PCDHA11: variants seen among roughly 807,000 people sequenced by gnomAD.
PCDHA11 encodes the protein protocadherin alpha 11, also known as protocadherin alpha-11.
A neutral mutation model predicts 70.3 loss-of-function variants in PCDHA11; 61 were observed. That is an observed-to-expected ratio of 0.87 (90% CI 0.71 to 1.07). The LOEUF is 1.07. Ranked by LOEUF, PCDHA11 falls within the 50% of genes least tolerant of loss-of-function variation. The pLI is 0.00. For synonymous variants in PCDHA11, 633 were observed against 555.1 expected (o/e 1.14, Z -1.97); for missense variants, 1,324 against 1,237.5 (o/e 1.07, Z -1.05).
chr5:140,955,998 G>A (rs1194688184), intron 1 of PCDHA11, among the ~76,000 whole-genome samples: 1 of 152,174 alleles, frequency 6.6e-6, no homozygotes, highest in Non-Finnish European at 1.5e-5. Context: ...CATTGATTTT[G>A]TATCCTGAGA....
chr5:141,004,336 G>A (rs1554259546), intron 3 of PCDHA11, among the ~76,000 whole-genome samples: 1 of 152,224 alleles, frequency 6.6e-6, no homozygotes, highest in East Asian at 1.9e-4. Flanking sequence ...AGGCACAGTG[G>A]TCTGTGAGGG....
intron 1 of PCDHA11, among the ~76,000 whole-genome samples, chr5:140,886,246 A>G (rs1337527671): frequency 1.3e-5 from 2 of 152,144 alleles, no homozygotes; most frequent in Admixed American, 1.3e-4. Flanking sequence ...AAATAAATAA[A>G]AGTATCTCTA....
chr5:140,905,891 G>A (rs1486335678), intron 1 of PCDHA11, among the ~76,000 whole-genome samples: 2 of 152,162 alleles, frequency 1.3e-5, no homozygotes, highest in African/African-American at 4.8e-5. Context: ...TAGGCCATCT[G>A]CAAGCTGAGG....
rs140356413 is a variant in PCDHA11, at chr5:140,945,687, T to C, written c.2392-33262T>C. On this transcript the variant is annotated intron_variant, in intron 1 of 3. Transcript: ENST00000398640. ...CCCAGAAATAAATCCACACAGTTAC[T>C]GTCCACTGATTTGCAACAAAAGTAT... 6.6e-3 allele frequency among the ~76,000 whole-genome samples: 1,005 copies of C among 152,204 alleles called. 10 individuals carry two copies. The highest frequency in any genetic ancestry group is 0.023 in the African/African-American group (952 of 41,538).
intron 1 of PCDHA11, among the ~76,000 whole-genome samples, chr5:140,953,010 G>C (rs116014174): frequency 0.016 from 2,468 of 152,152 alleles, 61 homozygotes; most frequent in African/African-American, 0.055. Flanking sequence ...ACTATTATGA[G>C]AACAACATTA....
intron 1 of PCDHA11, among the ~76,000 whole-genome samples, chr5:140,944,929 CT>C (rs2093712661): frequency 6.6e-6 from 1 of 152,052 alleles, no homozygotes; most frequent in Admixed American, 6.6e-5. Context: ...TGGTTTATGC[CT>C]TCTTTAGATG....
Position 141,011,309 on chromosome 5 carries a change from A to G in PCDHA11, c.*1372A>G, listed in dbSNP as rs374038361. On this transcript the variant is annotated 3_prime_UTR_variant, in exon 4 of 4. Coordinates refer to ENST00000398640, the MANE Select transcript of PCDHA11 (RefSeq NM_018902.5). ...CTTTTCTATAACACTCTGAATTGCTAATCTTACTAACACCTATGATGTTAC... is the reference window on the plus strand; with the variant it reads ...CTTTTCTATAACACTCTGAATTGCTGATCTTACTAACACCTATGATGTTAC... 9.8e-5 allele frequency: 15 copies of G among 153,742 alleles called. No homozygotes were observed. The highest frequency in any genetic ancestry group is 1.9e-4 in the Non-Finnish European group (13 of 68,036). 9.5% of individuals were successfully genotyped at this position (153,742 alleles called of 1,614,324 possible). A position where few individuals can be genotyped will look rare whatever the true frequency, so the allele number is the denominator to read the frequency against.
At chr5:140,926,789 G>C in intron 1 of PCDHA11, 1 of 1,432,318 alleles carries the variant, frequency 7.0e-7, no homozygotes, top group Non-Finnish European at 9.1e-7. Context: ...CGGCCGGCAG[G>C]AGCGTGCTCT....
chr5:140,875,378 T>C (rs758524366), intron 1 of PCDHA11: 85 of 1,458,484 alleles, frequency 5.8e-5, no homozygotes, highest in Non-Finnish European at 7.4e-5. Context: ...TTACTAAATA[T>C]GTACTTACAG....
intron 1 of PCDHA11, among the ~76,000 whole-genome samples, chr5:140,969,822 G>C (rs559271640): frequency 2.0e-5 from 3 of 152,202 alleles, no homozygotes; most frequent in Non-Finnish European, 4.4e-5. Context: ...ACTCTGGACT[G>C]TCTACAGTGG....
Position 140,869,837 on chromosome 5 carries a change from C to G in PCDHA11, c.734C>G (p.Ser245Ter), listed in dbSNP as rs374182289. 6.2e-7 allele frequency: 1 copy of G among 1,611,484 alleles called. No individual in the cohort carries two copies. Among genetic ancestry groups the G allele is most frequent in the African/African-American group, 1.3e-5 (1 of 74,990 alleles). ...VNDNDPEFDK[S>*]EYKVSLMENA... ...GACAATGATCCAGAGTTTGATAAAT[C>G]AGAATATAAGGTGAGCCTTATGGAA... Residue 245 changes from serine (S) to a stop codon, truncating the protein, a stop_gained, in exon 1 of 4, where the codon TCA becomes TGA. Coordinates refer to ENST00000398640, the MANE Select transcript of PCDHA11 (RefSeq NM_018902.5). LOFTEE classifies it high-confidence loss of function.
At chr5:140,899,964 T>A (rs543512832) in intron 1 of PCDHA11, among the ~76,000 whole-genome samples, 3 of 151,824 alleles carry the variant, frequency 2.0e-5, no homozygotes, top group African/African-American at 7.3e-5. Flanking sequence ...TGTGCTGCCA[T>A]GCCCAGCTAC....
intron 1 of PCDHA11, chr5:140,969,203 G>T (rs781962982): frequency 8.1e-6 from 13 of 1,614,178 alleles, no homozygotes; most frequent in Non-Finnish European, 1.1e-5. Flanking sequence ...CAATACAGGG[G>T]CCCAGACAGG....
At chr5:140,903,570 C>G (rs781884167) in intron 1 of PCDHA11, among the ~76,000 whole-genome samples, 3 of 152,154 alleles carry the variant, frequency 2.0e-5, no homozygotes, top group Non-Finnish European at 4.4e-5. Context: ...GAATTGGGAG[C>G]TGTCTAGCTG....
chr5:140,998,442 T>G lies in PCDHA11; in HGVS notation c.2540-11185T>G, dbSNP rs368931467. On this transcript the variant is annotated intron_variant, in intron 3 of 3. Coordinates refer to ENST00000398640, the MANE Select transcript of PCDHA11 (RefSeq NM_018902.5). ...GGTTTATCCTTTAACACTATTATTGTATTTATTCATTTACTTGTCTTTTCC... is the reference window on the plus strand; with the variant it reads ...GGTTTATCCTTTAACACTATTATTGGATTTATTCATTTACTTGTCTTTTCC... 1.7e-4 allele frequency among the ~76,000 whole-genome samples: 26 copies of G among 152,352 alleles called. No individual in the cohort carries two copies. In the South Asian group the frequency reaches 5.2e-3, roughly 30 times the overall value.
chr5:140,927,401 G>A lies in PCDHA11; in HGVS notation c.2392-51548G>A, dbSNP rs782140870. On this transcript the variant is annotated intron_variant, in intron 1 of 3. Transcript: ENST00000398640. ...AGCCTAAGCCCCAGTCAGCACTTTCGCCTGGACATGGGATCGCGGGTTGAC... is the reference window on the plus strand; with the variant it reads ...AGCCTAAGCCCCAGTCAGCACTTTCACCTGGACATGGGATCGCGGGTTGAC... The A allele has an allele frequency of 1.9e-6, 3 of 1,614,192 alleles. No homozygotes were observed. Among genetic ancestry groups the A allele is most frequent in the Non-Finnish European group, 2.5e-6 (3 of 1,180,036 alleles).
chr5:140,880,168 T>A (rs1287992545), intron 1 of PCDHA11, among the ~76,000 whole-genome samples: 1 of 152,084 alleles, frequency 6.6e-6, no homozygotes, highest in East Asian at 1.9e-4. Flanking sequence ...ATGTTAGAAG[T>A]TAAACATGAA....
intron 1 of PCDHA11, among the ~76,000 whole-genome samples, chr5:140,912,376 G>A (rs2075897019): frequency 6.6e-6 from 1 of 151,474 alleles, no homozygotes; most frequent in African/African-American, 2.4e-5. Context: ...TTGTAAAAGG[G>A]ATTGAGTTCT....
intron 1 of PCDHA11, chr5:140,969,476 A>G: frequency 6.8e-7 from 1 of 1,473,576 alleles, no homozygotes; most frequent in Non-Finnish European, 9.0e-7. Context: ...CAATTTGATC[A>G]TAATCTGCTA....
Sources: allele counts gnomAD v4.1 joint callset (sites outside exome capture counted in the v4.1 genomes callset), GRCh38; gene constraint gnomAD v4.1.1; transcripts MANE v1.5; gene names NCBI Gene and HGNC (gene_info 2026-07-23, HGNC 2026-07-21).